The following RALA variants were observed in gnomAD, a reference collection of about 807,000 sequenced individuals.
RALA encodes RAS like proto-oncogene A, also known as ras-related protein Ral-A.
RALA carries 5 observed loss-of-function variants against 24.0 expected under a neutral mutation model. That is an observed-to-expected ratio of 0.21 (90% CI 0.11 to 0.44). The LOEUF is 0.44. RALA is among the 20% of genes least tolerant of loss of function. The pLI is 0.99. For missense variants in RALA, 95 were observed against 241.2 expected (o/e 0.39, Z 4.01); for synonymous variants, 77 against 83.8 (o/e 0.92, Z 0.44).
At chr7:39,666,164 C>G (rs909355457) in intron 1 of RALA, among the ~76,000 whole-genome samples, 6 of 151,532 alleles carry the variant, frequency 4.0e-5, no homozygotes, top group African/African-American at 1.5e-4. Context: ...AACTTTGTGA[C>G]TGGTTGACTA....
At chr7:39,641,479 G>A (rs760737843) in intron 1 of RALA, among the ~76,000 whole-genome samples, 1 of 152,116 alleles carries the variant, frequency 6.6e-6, no homozygotes, top group Non-Finnish European at 1.5e-5. Flanking sequence ...TCTCATGGAC[G>A]TTCTTTTATG....
At chr7:39,633,836 A>G (rs779795328) in intron 1 of RALA, among the ~76,000 whole-genome samples, 3 of 152,174 alleles carry the variant, frequency 2.0e-5, no homozygotes, top group Non-Finnish European at 4.4e-5. Context: ...CATCCTGCAC[A>G]TGTTCCATCC....
intron 1 of RALA, among the ~76,000 whole-genome samples, chr7:39,684,269 G>T (rs905455332): frequency 1.3e-5 from 2 of 152,108 alleles, no homozygotes; most frequent in African/African-American, 4.8e-5. Flanking sequence ...AACTGCTTCT[G>T]CTAAAATGCT....
chr7:39,681,302 C>CTTTT (rs70996832), intron 1 of RALA, among the ~76,000 whole-genome samples: 651 of 50,044 alleles, frequency 0.013, 111 homozygotes, highest in Non-Finnish European at 0.018. Context: ...CACCCTATTC[C>CTTTT]TTTTTTTTTT....
intron 1 of RALA, among the ~76,000 whole-genome samples, chr7:39,639,936 C>T (rs982222327): frequency 2.0e-5 from 3 of 152,132 alleles, no homozygotes; most frequent in Middle Eastern, 3.4e-3. Context: ...TCATTAAAAC[C>T]GAATCATGAT....
rs1006509414 is a variant in RALA, at chr7:39,657,363, G to C, written c.-37-29268G>C. 3.3e-5 allele frequency among the ~76,000 whole-genome samples: 5 copies of C among 152,090 alleles called. No homozygotes were observed. In the East Asian group the frequency reaches 5.8e-4, roughly 18 times the overall value. ...TCCTCATATAAAAAATGAAGGGTTT[G>C]GATTATTTTAAGGCTTCCTTCTGTG... On this transcript the variant is annotated intron_variant, in intron 1 of 4. Transcript: ENST00000005257.
intron 3 of RALA, among the ~76,000 whole-genome samples, chr7:39,693,645 A>G (rs979053277): frequency 5.9e-5 from 9 of 152,214 alleles, no homozygotes; most frequent in Non-Finnish European, 1.0e-4. Context: ...CACGCCCTAG[A>G]AAAAGATTGT....
At chr7:39,686,430 T>C (rs1330826062) in intron 1 of RALA, among the ~76,000 whole-genome samples, 1 of 152,226 alleles carries the variant, frequency 6.6e-6, no homozygotes, top group Non-Finnish European at 1.5e-5. Flanking sequence ...CCTTGAGTCA[T>C]AGGCTTGTTT....
chr7:39,697,461 A>G (rs1792941727), intron 4 of RALA: 1 of 456,450 alleles, frequency 2.2e-6, no homozygotes, highest in Non-Finnish European at 4.4e-6. Flanking sequence ...ATTTCATCCC[A>G]CTGCCCTAGA....
intron 1 of RALA, among the ~76,000 whole-genome samples, chr7:39,670,209 A>G (rs1471854556): frequency 1.3e-5 from 2 of 152,232 alleles, no homozygotes. Context: ...ACAGTTGTGC[A>G]ATCTTAGCTC....
At chr7:39,698,293 G>A (rs985388473) in intron 4 of RALA, among the ~76,000 whole-genome samples, 3 of 152,176 alleles carry the variant, frequency 2.0e-5, no homozygotes, top group African/African-American at 7.2e-5. Flanking sequence ...GGTGACACAA[G>A]CATTCAGTCC....
chr7:39,687,147 T>G (rs1388954462), intron 2 of RALA, among the ~76,000 whole-genome samples: 1 of 152,152 alleles, frequency 6.6e-6, no homozygotes, highest in South Asian at 2.1e-4. Context: ...TCTTTTAGGC[T>G]GGGCACGCAC....
At chr7:39,631,844 T>A (rs1013719493) in intron 1 of RALA, among the ~76,000 whole-genome samples, 1 of 152,208 alleles carries the variant, frequency 6.6e-6, no homozygotes, top group Non-Finnish European at 1.5e-5. Flanking sequence ...AGTATACCTG[T>A]GACTGGGTAA....
chr7:39,696,044 T>G (rs1173172533), intron 3 of RALA, among the ~76,000 whole-genome samples: 1 of 152,182 alleles, frequency 6.6e-6, no homozygotes, highest in Non-Finnish European at 1.5e-5. Context: ...GAAACTGAGG[T>G]AAGAAGTACT....
At chr7:39,670,660 CAG>C (rs1439371236) in intron 1 of RALA, among the ~76,000 whole-genome samples, 5 of 152,170 alleles carry the variant, frequency 3.3e-5, no homozygotes, top group Non-Finnish European at 7.4e-5. Context: ...TTTGAAAACA[CAG>C]GGGTTTAAAA....
chr7:39,703,693 G>T (rs1793068392), intron 4 of RALA, among the ~76,000 whole-genome samples: 1 of 152,130 alleles, frequency 6.6e-6, no homozygotes, highest in African/African-American at 2.4e-5. Flanking sequence ...AAAAAAATGT[G>T]ATCATGTTGT....
intron 1 of RALA, among the ~76,000 whole-genome samples, chr7:39,658,032 C>T (rs1243576703): frequency 6.6e-6 from 1 of 152,146 alleles, no homozygotes; most frequent in Non-Finnish European, 1.5e-5. Context: ...GTATTAATAG[C>T]ACATGCATTC....
At chr7:39,658,296 A>G (rs1346304233) in intron 1 of RALA, among the ~76,000 whole-genome samples, 1 of 152,034 alleles carries the variant, frequency 6.6e-6, no homozygotes, top group Non-Finnish European at 1.5e-5. Flanking sequence ...ACCTCCCCCT[A>G]CAAAGTCTGG....
chr7:39,675,918 C>T (rs897125514), intron 1 of RALA, among the ~76,000 whole-genome samples: 18 of 151,956 alleles, frequency 1.2e-4, no homozygotes, highest in South Asian at 2.1e-4. Context: ...TTCACTAAGA[C>T]GGCCTTTACC....
Sources: gnomAD v4.1 joint callset for allele counts (sites outside exome capture counted in the v4.1 genomes callset) on GRCh38, gnomAD v4.1.1 for gene constraint, MANE v1.5 for transcripts, NCBI Gene and HGNC (gene_info 2026-07-23, HGNC 2026-07-21) for gene names.